The following EFHB variants were observed in gnomAD, a reference collection of about 807,000 sequenced individuals.
The protein encoded by EFHB is EF-hand domain-containing family member B.
EFHB carries 91 observed loss-of-function variants against 87.2 expected under a neutral mutation model. That is an observed-to-expected ratio of 1.04 (90% CI 0.88 to 1.24). The LOEUF is 1.24. Among genes scored for constraint, EFHB ranks in the 50% most tolerant of loss-of-function variants. The pLI, the probability that EFHB is intolerant of heterozygous loss-of-function variation, is 0.00. For synonymous variants in EFHB, 325 were observed against 333.6 expected (o/e 0.97, Z 0.28); for missense variants, 1,084 against 998.8 (o/e 1.09, Z -1.15).
At chr3:19,935,460 C>T (rs1194017134), upstream of EFHB, among the ~76,000 whole-genome samples, 1 of 151,980 alleles carries the variant, frequency 6.6e-6, no homozygotes, top group Admixed American at 6.5e-5. Flanking sequence ...ACCTTTAATC[C>T]CAGCACTTTG....
At chr3:19,919,653 C>T (rs1695367703) in intron 3 of EFHB, among the ~76,000 whole-genome samples, 180 bp downstream of exon 3, 1 of 152,084 alleles carries the variant, frequency 6.6e-6, no homozygotes, top group African/African-American at 2.4e-5. Context: ...GTCTTGGCTG[C>T]TGCTGCTTGG....
chr3:19,933,183 A>C, intron 1 of EFHB, 47 bp downstream of exon 1: 1 of 1,532,736 alleles, frequency 6.5e-7, no homozygotes, highest in Non-Finnish European at 8.8e-7. Context: ...CAATAAAGAC[A>C]TGGCTATACA....
At chr3:19,913,909 G>A (rs1191753239) in intron 5 of EFHB, among the ~76,000 whole-genome samples, 2 of 152,110 alleles carry the variant, frequency 1.3e-5, no homozygotes, top group Non-Finnish European at 2.9e-5. Flanking sequence ...TTTTGGCAAA[G>A]GTGCCAAGAA....
At chr3:19,946,014 G>C (rs560060823) in intron 1 of EFHB, 11 of 152,292 alleles carry the variant, frequency 7.2e-5, no homozygotes, top group African/African-American at 2.6e-4. Flanking sequence ...GGAGGCTGGG[G>C]AGGGGGTGGT....
chr3:19,933,866 A>G lies in EFHB; in HGVS notation c.153T>C (p.Asn51=), dbSNP rs762094045. The change falls in exon 1 of 13, where the codon AAT becomes AAC. Residue 51 remains asparagine, a synonymous_variant. Coordinates refer to ENST00000295824, the MANE Select transcript of EFHB (RefSeq NM_144715.4). ...GTGGTGCCATCCTTCCCTCACACTT[A>G]TTACTAACCACAGGGCTCTCCCCGC... ...SRCGESPVVS[N]KCEGRMAPPE... is the part of the protein sequence containing the mutation. The G allele has an allele frequency of 3.2e-5, 51 of 1,613,670 alleles. 3 individuals are homozygous for G. In the South Asian group the frequency reaches 4.3e-4, roughly 14 times the overall value.
rs772283714 is a variant in EFHB at position 19,933,956 on chromosome 3, G to T, written c.63C>A (p.Ile21=). ...GKDDLGDKRV[I]MGTKFPMELG... ...ACTCCATGGGAAATTTTGTTCCCAT[G>T]ATGACCCTCTTGTCTCCTAAATCAT... Residue 21 remains isoleucine, a synonymous_variant, in exon 1 of 13, where the codon ATC becomes ATA. Coordinates refer to ENST00000295824, the MANE Select transcript of EFHB (RefSeq NM_144715.4). The T allele has an allele frequency of 1.9e-6, 3 of 1,613,492 alleles. No individual in the cohort carries two copies. The highest frequency in any genetic ancestry group is 1.7e-5 in the Admixed American group (1 of 59,940).
chr3:19,920,530 G>T lies in EFHB; in HGVS notation c.827C>A (p.Thr276Asn). ...KVIPVGYRVA[T>N]CLTEKLPRLI... ...CCTGGGAAGTTTTTCAGTCAAGCAGGTTGCAACTCTGTAACCAACTGGAAT... is the reference window on the plus strand; with the variant it reads ...CCTGGGAAGTTTTTCAGTCAAGCAGTTTGCAACTCTGTAACCAACTGGAAT... The change falls in exon 2 of 13, where the codon ACC becomes AAC. Residue 276 changes from threonine (T) to asparagine (N), a missense_variant. By Grantham distance (65) the Thr-to-Asn change is moderately conservative. Transcript: ENST00000295824. 2 of 1,603,854 alleles carry T rather than the reference G, an allele frequency of 1.2e-6. No homozygotes were observed. Among genetic ancestry groups the T allele is most frequent in the Non-Finnish European group, 1.7e-6 (2 of 1,176,488 alleles).
At chr3:19,934,867 A>G (rs1022111995), upstream of EFHB, among the ~76,000 whole-genome samples, 5 of 152,214 alleles carry the variant, frequency 3.3e-5, no homozygotes, top group African/African-American at 1.2e-4. Flanking sequence ...AAAGTCCTTG[A>G]GAACACTTAC....
At chr3:19,905,564 T>C (rs1575015903) in intron 6 of EFHB, 56 bp downstream of exon 6, 2 of 1,551,996 alleles carry the variant, frequency 1.3e-6, no homozygotes, top group East Asian at 4.5e-5. Flanking sequence ...AAATCAACTT[T>C]TCTTTAAGTC....
Position 19,920,113 on chromosome 3 carries a change from G to T in EFHB, c.853-137C>A, listed in dbSNP as rs1695386562. On this transcript the variant is annotated intron_variant, in intron 2 of 12. Transcript: ENST00000295824. ...ATTTGGAACTACAGCCCCAAATAATGAACATCCCCCTAAAATGTATTTATT... is the reference window on the plus strand; with the variant it reads ...ATTTGGAACTACAGCCCCAAATAATTAACATCCCCCTAAAATGTATTTATT... The T allele has an allele frequency of 5.8e-6, 5 of 864,608 alleles. No individual in the cohort carries two copies. In the African/African-American group the frequency reaches 8.5e-5, roughly 15 times the overall value. The allele number at this position is 864,608 out of a possible 1,614,324, so 53.6% of individuals were successfully genotyped here.
At position 19,920,493 on chromosome 3, in the gene EFHB, G is replaced by GAA. The variant is rs753999921; in HGVS notation, c.852+10_852+11dup. On this transcript the variant is annotated intron_variant, in intron 2 of 12. Coordinates refer to ENST00000295824, the MANE Select transcript of EFHB (RefSeq NM_144715.4). ...AAAAATAGAAATATAAAGGTATATT[G>GAA]AAAGTGCTCACCCTGGGAAGTTTTT... 5 of 1,594,266 alleles carry GAA rather than the reference G, an allele frequency of 3.1e-6. No individual in the cohort carries two copies. Among genetic ancestry groups the GAA allele is most frequent in the Non-Finnish European group, 4.3e-6 (5 of 1,171,774 alleles).
chr3:19,938,564 G>GAAAATGTTCATCAT (rs1258923364), upstream of EFHB, among the ~76,000 whole-genome samples: 4 of 152,144 alleles, frequency 2.6e-5, no homozygotes, highest in South Asian at 8.3e-4. Context: ...CTGAATGTTT[G>GAAAATGTTCATCAT]AAAATGTTCA....
intron 2 of EFHB, among the ~76,000 whole-genome samples, 183 bp from the exon 3 acceptor site, chr3:19,920,159 AT>A (rs1191770378): frequency 2.6e-5 from 4 of 152,126 alleles, no homozygotes; most frequent in African/African-American, 4.8e-5. Context: ...AGTAAAAAAC[AT>A]TTTTTTCCAT....
intron 1 of EFHB, among the ~76,000 whole-genome samples, chr3:19,946,467 T>C (rs1376614581): frequency 1.3e-5 from 2 of 152,202 alleles, no homozygotes; most frequent in African/African-American, 4.8e-5. Context: ...CGAAGGGAAA[T>C]TCTGAATAAA....
chr3:19,942,560 T>G (rs1417922361), intron 1 of EFHB: 1 of 152,320 alleles, frequency 6.6e-6, no homozygotes, highest in Non-Finnish European at 1.5e-5. Context: ...TTACATTTAT[T>G]GTGCACTTTA....
At chr3:19,888,786 G>GAAA (rs1694199356) in intron 9 of EFHB, 135 bp from the exon 10 acceptor site, 1 of 737,560 alleles carries the variant, frequency 1.4e-6, no homozygotes. Flanking sequence ...CACAGAAGAG[G>GAAA]AGTCAAATAC....
At chr3:19,911,694 A>T (rs1695069167) in intron 5 of EFHB, among the ~76,000 whole-genome samples, 2 of 152,154 alleles carry the variant, frequency 1.3e-5, no homozygotes, top group South Asian at 4.1e-4. Context: ...CAGAAGAAAG[A>T]GTTAATGAGC....
rs1694194107 is a variant in EFHB at position 19,888,641 on chromosome 3, C to T, written c.1736G>A (p.Gly579Glu). 1.2e-6 allele frequency: 2 copies of T among 1,604,230 alleles called. No individual in the cohort carries two copies. The highest frequency in any genetic ancestry group is 1.7e-6 in the Non-Finnish European group (2 of 1,174,694). The change falls in exon 10 of 13, where the codon GGG (glycine) becomes GAG (glutamate). Residue 579 changes from glycine (G) to glutamate (E), a missense_variant. Transcript: ENST00000295824. ...CTGCAGCTCGTCTTTATCTATCATC[C>T]CATCTCCCTTCTGTTATACAGGAAG... is the stretch of plus-strand genomic sequence containing the variant. The part of the protein sequence containing the change: ...AFRHYDKKGD[G>E]MIDKDELQEA...
intron 6 of EFHB, among the ~76,000 whole-genome samples, chr3:19,904,161 A>G (rs369109164): frequency 9.2e-5 from 14 of 152,204 alleles, no homozygotes; most frequent in East Asian, 7.7e-4. Flanking sequence ...AAGAGGGCAG[A>G]GGTCAGAACA....
Sources: gnomAD v4.1 joint callset for allele counts (sites outside exome capture counted in the v4.1 genomes callset) on GRCh38, gnomAD v4.1.1 for gene constraint, MANE v1.5 for transcripts, NCBI Gene and HGNC (gene_info 2026-07-23, HGNC 2026-07-21) for gene names.